The following INPP5D variants were observed in gnomAD, a reference collection of about 807,000 sequenced individuals.
The protein encoded by INPP5D is inositol polyphosphate-5-phosphatase D, also known as phosphatidylinositol 3,4,5-trisphosphate 5-phosphatase 1.
In INPP5D, 33 loss-of-function variants were observed where a neutral mutation model predicts 122.9. The ratio of observed to expected loss-of-function variants is 0.27; its 90% confidence interval spans 0.20 to 0.36. INPP5D has a LOEUF of 0.36. Among genes scored for constraint, INPP5D ranks in the 10% least tolerant of loss-of-function variants. The pLI is 1.00. For missense variants in INPP5D, 1,053 were observed against 1,412.7 expected, an observed-to-expected ratio of 0.75 and a Z score of 4.08; for synonymous variants, 584 against 576.2, an observed-to-expected ratio of 1.01 and a Z score of -0.19.
At chr2:233,066,015 G>A (rs1163148307) in intron 1 of INPP5D, among the ~76,000 whole-genome samples, 1 of 151,756 alleles carries the variant, frequency 6.6e-6, no homozygotes, top group African/African-American at 2.4e-5. Context: ...CCAGGTTGGA[G>A]TGCAGTGGCA....
intron 5 of INPP5D, among the ~76,000 whole-genome samples, chr2:233,137,237 C>T (rs77868397): frequency 0.47 from 71,072 of 151,352 alleles, 17,060 homozygotes; most frequent in African/African-American, 0.54. Flanking sequence ...TAGGTCACTC[C>T]AAAGATGAGT....
At chr2:233,102,761 A>G (rs1462783752) in intron 2 of INPP5D, among the ~76,000 whole-genome samples, 1 of 151,768 alleles carries the variant, frequency 6.6e-6, no homozygotes, top group Non-Finnish European at 1.5e-5. Context: ...GAGGCAGGAG[A>G]ATGGCATGAA....
Position 233,199,492 on chromosome 2 carries a change from C to T in INPP5D, c.2975+1116C>T, listed in dbSNP as rs1402823129. On this transcript the variant is annotated intron_variant, in intron 25 of 26. Coordinates refer to ENST00000445964, the MANE Select transcript of INPP5D (RefSeq NM_001017915.3). ...CAGAGGTTGCAGTGAGCCAAGATTG[C>T]ACCAGTGCACTCCAGCCTGGGTGAC... Among the ~76,000 whole-genome samples the T allele has an allele frequency of 3.3e-5, 5 of 151,240 alleles. No individual in the cohort carries two copies. In the East Asian group the frequency reaches 7.8e-4, roughly 24 times the overall value.
At position 233,183,328 on chromosome 2, in the gene INPP5D, T is replaced by C. The variant is rs1342118998; in HGVS notation, c.2161+829T>C. ...AGACCATCTTGCTCTGTGTCCTTCA[T>C]GCCCTGGGGGACACACGTGAGGCCG... On this transcript the variant is annotated intron_variant, in intron 19 of 26. Transcript: ENST00000445964. This position sits in a 1 kb window ranked among gnomAD's most constrained non-coding sequence, Gnocchi z 4.6. Among the ~76,000 whole-genome samples the C allele has an allele frequency of 6.6e-6, 1 of 152,174 alleles. No individual in the cohort carries two copies. Among genetic ancestry groups the C allele is most frequent in the Admixed American group, 6.5e-5 (1 of 15,282 alleles).
chr2:233,121,812 C>T (rs1182202797), intron 2 of INPP5D, among the ~76,000 whole-genome samples: 3 of 152,078 alleles, frequency 2.0e-5, no homozygotes, highest in East Asian at 1.9e-4. Flanking sequence ...AGGTGTGAGC[C>T]ACCGTGCCTG....
At chr2:233,168,867 C>G (rs1316971569) in intron 13 of INPP5D, 2 of 156,552 alleles carry the variant, frequency 1.3e-5, no homozygotes, top group Admixed American at 6.3e-5. Flanking sequence ...CCTTTGGGAA[C>G]CACTGACCTA....
chr2:233,178,219 C>A (rs1694695778), intron 18 of INPP5D, among the ~76,000 whole-genome samples: 1 of 152,050 alleles, frequency 6.6e-6, no homozygotes, highest in African/African-American at 2.4e-5. Context: ...ATCGCTTGAG[C>A]CCAGTAGTTC....
At chr2:233,200,728 G>A (rs183577310) in intron 25 of INPP5D, among the ~76,000 whole-genome samples, 2 of 152,252 alleles carry the variant, frequency 1.3e-5, no homozygotes, top group Non-Finnish European at 1.5e-5. Context: ...GGAAGCCAAG[G>A]TGGGCAGATC....
At chr2:233,186,662 GT>G (rs1483964462) in intron 21 of INPP5D, among the ~76,000 whole-genome samples, 2 of 44,126 alleles carry the variant, frequency 4.5e-5, no homozygotes, top group South Asian at 8.8e-4. Flanking sequence ...TTTTTCTCTT[GT>G]TTTTTTTTCT....
intron 2 of INPP5D, among the ~76,000 whole-genome samples, chr2:233,095,818 C>T (rs1482919825): frequency 6.6e-6 from 1 of 152,178 alleles, no homozygotes; most frequent in African/African-American, 2.4e-5. Flanking sequence ...TATTGGTAAC[C>T]CTAATGTCCT....
chr2:233,103,059 A>C (rs9288683), intron 2 of INPP5D, among the ~76,000 whole-genome samples: 5,095 of 152,202 alleles, frequency 0.033, 284 homozygotes, highest in African/African-American at 0.11. Flanking sequence ...AAATTGACTG[A>C]AGTCATATCA....
intron 4 of INPP5D, among the ~76,000 whole-genome samples, chr2:233,127,796 C>T (rs1244530591): frequency 3.3e-5 from 5 of 152,102 alleles, no homozygotes; most frequent in East Asian, 1.9e-4. Flanking sequence ...TTAGTAGAGA[C>T]GGGGTTTCTC....
intron 9 of INPP5D, among the ~76,000 whole-genome samples, chr2:233,154,847 G>A (rs1038835282): frequency 1.3e-5 from 2 of 152,090 alleles, no homozygotes; most frequent in African/African-American, 2.4e-5. Flanking sequence ...GAATTCCTTC[G>A]CCTAGGCAAA....
At chr2:233,190,061 C>A in intron 22 of INPP5D, 124 bp downstream of exon 22, 2 of 1,438,518 alleles carry the variant, frequency 1.4e-6, no homozygotes, top group East Asian at 2.4e-5. Context: ...TTCCTCATCC[C>A]AGGGCTGCTA....
Position 233,171,134 on chromosome 2 carries a change from C to G in INPP5D, c.1971C>G (p.Thr657=). ...ERLTRDKYAY[T]KQKATGMKYN... ...TGACTCGGGACAAATACGCCTACAC[C>G]AAGCAGAAAGCGACAGGGGTGAGTC... Residue 657 remains threonine (T), a synonymous_variant, in exon 17 of 27, where the codon ACC becomes ACG. Transcript: ENST00000445964. 4.3e-6 allele frequency: 7 copies of G among 1,611,310 alleles called. No homozygotes were observed. Among genetic ancestry groups the G allele is most frequent in the Non-Finnish European group, 5.9e-6 (7 of 1,178,444 alleles).
intron 25 of INPP5D, among the ~76,000 whole-genome samples, chr2:233,198,722 G>A (rs6719549): frequency 0.21 from 31,018 of 151,304 alleles, 3,181 homozygotes; most frequent in East Asian, 0.37. Flanking sequence ...AGGCCAAAGC[G>A]GGTGGATCAC....
chr2:233,101,647 T>C (rs962602700), intron 2 of INPP5D, among the ~76,000 whole-genome samples: 129 of 144,744 alleles, frequency 8.9e-4, no homozygotes, highest in Middle Eastern at 3.3e-3. Context: ...TTATTAAATA[T>C]ATAACATATA....
chr2:233,105,691 T>G lies in INPP5D; in HGVS notation c.199-16416T>G, dbSNP rs1395184382. On this transcript the variant is annotated intron_variant, in intron 2 of 26. Transcript: ENST00000445964. The surrounding 1 kb of genome is among the most constrained non-coding windows in gnomAD (Gnocchi z 4.0). Reference sequence around the variant, plus strand: ...CTGCTGGCTGCTGCACCACCAGCTCTGCTTTCCTTCAGCCCTGCCCAGGGC... The same window carrying G: ...CTGCTGGCTGCTGCACCACCAGCTCGGCTTTCCTTCAGCCCTGCCCAGGGC... Among the ~76,000 whole-genome samples the G allele has an allele frequency of 6.6e-6, 1 of 152,216 alleles. No individual in the cohort carries two copies. Among genetic ancestry groups the G allele is most frequent in the African/African-American group, 2.4e-5 (1 of 41,450 alleles).
chr2:233,149,743 TG>T (rs1162151768), intron 9 of INPP5D, among the ~76,000 whole-genome samples: 2 of 152,092 alleles, frequency 1.3e-5, no homozygotes, highest in African/African-American at 2.4e-5. Context: ...ACTTGTGACT[TG>T]GGTCTGGTGC....
Sources: gnomAD v4.1 joint callset for allele counts (sites outside exome capture counted in the v4.1 genomes callset) on GRCh38, gnomAD v4.1.1 for gene constraint, Gnocchi (gnomAD v3.1) non-coding constraint, MANE v1.5 for transcripts, NCBI Gene and HGNC (gene_info 2026-07-23, HGNC 2026-07-21) for gene names.